PHACTR3: variants seen among roughly 807,000 people sequenced by gnomAD.
PHACTR3 encodes the protein phosphatase and actin regulator 3, also known as protein phosphatase 1, regulatory subunit 123.
A neutral mutation model predicts 66.8 loss-of-function variants in PHACTR3; 16 were observed. The observed-to-expected ratio is 0.24, with a 90% CI of 0.16 to 0.36. The LOEUF (loss-of-function observed/expected upper bound fraction) is 0.36. PHACTR3 is among the 10% of genes least tolerant of loss of function. The probability of loss-of-function intolerance (pLI) is 1.00; values close to 1 mark genes in which losing one functional copy is unlikely to be tolerated. For synonymous variants in PHACTR3, 323 were observed against 292.1 expected, an observed-to-expected ratio of 1.11 and a Z score of -1.08; for missense variants, 647 against 719.9, an observed-to-expected ratio of 0.90 and a Z score of 1.16.
chr20:59,591,523 G>C (rs1402497027), intron 1 of PHACTR3, among the ~76,000 whole-genome samples: 1 of 152,168 alleles, frequency 6.6e-6, no homozygotes, highest in Non-Finnish European at 1.5e-5. Flanking sequence ...GTGGACCAGG[G>C]ACCGCTTTGT....
chr20:59,663,163 C>G (rs1366913546), intron 1 of PHACTR3, among the ~76,000 whole-genome samples: 1 of 152,234 alleles, frequency 6.6e-6, no homozygotes, highest in Non-Finnish European at 1.5e-5. Context: ...CTCTCCTCCT[C>G]TTAGAATGAC....
intron 1 of PHACTR3, among the ~76,000 whole-genome samples, chr20:59,723,066 CTTTCTT>C (rs1264873604): frequency 1.2e-5 from 1 of 85,062 alleles, no homozygotes; most frequent in African/African-American, 5.2e-5. Context: ...CTTTCTCTTT[CTTTCTT>C]TCTTTCTTTC....
At chr20:59,635,376 G>A (rs958213659) in intron 1 of PHACTR3, among the ~76,000 whole-genome samples, 7 of 150,646 alleles carry the variant, frequency 4.6e-5, no homozygotes, top group Non-Finnish European at 1.0e-4. Flanking sequence ...TGGGATTACG[G>A]GCGTGCACCA....
At chr20:59,666,504 C>A (rs2035991479) in intron 1 of PHACTR3, among the ~76,000 whole-genome samples, 1 of 151,780 alleles carries the variant, frequency 6.6e-6, no homozygotes, top group African/African-American at 2.4e-5. Context: ...GCAGAAGGAG[C>A]TCAATTTCAG....
chr20:59,748,884 G>A (rs2039471032), intron 3 of PHACTR3, among the ~76,000 whole-genome samples: 1 of 152,204 alleles, frequency 6.6e-6, no homozygotes, highest in African/African-American at 2.4e-5. Flanking sequence ...GGAAGCTCAT[G>A]AAATAAACGA....
intron 7 of PHACTR3, 73 bp from the exon 8 acceptor site, chr20:59,805,968 G>T: frequency 6.6e-7 from 1 of 1,512,168 alleles, no homozygotes; most frequent in South Asian, 1.3e-5. Context: ...CGGCTCCATT[G>T]ACAAGCCAGC....
intron 8 of PHACTR3, among the ~76,000 whole-genome samples, chr20:59,824,809 C>T (rs939083422): frequency 6.6e-6 from 1 of 152,216 alleles, no homozygotes; most frequent in East Asian, 1.9e-4. Context: ...TCTGTCTACA[C>T]TCCTGTCAAC....
chr20:59,844,931 AC>A, intron 11 of PHACTR3: 1 of 302,854 alleles, frequency 3.3e-6, no homozygotes, highest in East Asian at 7.2e-5. Flanking sequence ...TATCACATGT[AC>A]CCTGTATATA....
rs1176449120 is a variant in PHACTR3, at chr20:59,829,930, G to A, written c.1329-6575G>A. On this transcript the variant is annotated intron_variant, in intron 8 of 12. Transcript: ENST00000371015. This position sits in a 1 kb window ranked among gnomAD's most constrained non-coding sequence, Gnocchi z 4.2. ...GGCTGGGTGGGGCTTCATTGGGGAA[G>A]CAAAGCTTGGGGAGCTGGAACTATG... is the stretch of plus-strand genomic sequence containing the variant. Among the ~76,000 whole-genome samples, 1 of 152,222 alleles carries A rather than the reference G, an allele frequency of 6.6e-6. No individual in the cohort carries two copies. The highest frequency in any genetic ancestry group is 1.5e-5 in the Non-Finnish European group (1 of 68,044).
At chr20:59,603,328 C>T (rs1051997249), upstream of PHACTR3, among the ~76,000 whole-genome samples, 1 of 152,080 alleles carries the variant, frequency 6.6e-6, no homozygotes, top group South Asian at 2.1e-4. Flanking sequence ...GGCACACACT[C>T]GACTCTGCAC....
At chr20:59,767,657 G>A (rs1008605138) in intron 5 of PHACTR3, among the ~76,000 whole-genome samples, 1 of 152,186 alleles carries the variant, frequency 6.6e-6, no homozygotes, top group African/African-American at 2.4e-5. Flanking sequence ...GACTGCCTAG[G>A]CTCCCTCAAG....
chr20:59,790,767 G>T (rs1010650589), intron 7 of PHACTR3, among the ~76,000 whole-genome samples: 1 of 152,224 alleles, frequency 6.6e-6, no homozygotes, highest in African/African-American at 2.4e-5. Context: ...GTAGAAGTAG[G>T]TCTGGAAGTA....
At position 59,820,048 on chromosome 20, in the gene PHACTR3, G is replaced by A. The variant is rs1040154838; in HGVS notation, c.1328+13854G>A. 2.3e-4 allele frequency among the ~76,000 whole-genome samples: 35 copies of A among 152,250 alleles called. No homozygotes were observed. The highest frequency in any genetic ancestry group is 7.7e-4 in the African/African-American group (32 of 41,542). ...CAGGGGGACCGTTGCTGGGGCTTCC[G>A]GTCTCTCTTTGTTTAGAAATCTCAG... On this transcript the variant is annotated intron_variant, in intron 8 of 12. Transcript: ENST00000371015. This position sits in a 1 kb window ranked among gnomAD's most constrained non-coding sequence, Gnocchi z 4.6.
At chr20:59,757,680 G>A (rs1185412977) in intron 4 of PHACTR3, among the ~76,000 whole-genome samples, 2 of 152,170 alleles carry the variant, frequency 1.3e-5, no homozygotes, top group East Asian at 1.9e-4. Context: ...GGCCCGGTGA[G>A]GTGGGTCACA....
In PHACTR3 at chr20:59,744,546, G is replaced by T. The variant is rs139457106; in HGVS notation, c.280+1278G>T. On this transcript the variant is annotated intron_variant, in intron 2 of 12. Transcript: ENST00000371015. ...CCTTTCCAGCTCTGAAGAGGCGCAGGCTCCAGGGCTTTGAGGATGGTGGAG... is the reference window on the plus strand; with the variant it reads ...CCTTTCCAGCTCTGAAGAGGCGCAGTCTCCAGGGCTTTGAGGATGGTGGAG... Among the ~76,000 whole-genome samples, 511 of 152,324 alleles carry T rather than the reference G, an allele frequency of 3.4e-3. 6 individuals are homozygous for T. The highest frequency in any genetic ancestry group is 0.011 in the African/African-American group (478 of 41,576).
At chr20:59,785,468 G>A (rs192122886) in intron 7 of PHACTR3, among the ~76,000 whole-genome samples, 27 of 152,302 alleles carry the variant, frequency 1.8e-4, no homozygotes, top group African/African-American at 6.0e-4. Context: ...TCATAATGTG[G>A]GAGACTGAGG....
At chr20:59,843,280 C>A (rs1164161245) in intron 11 of PHACTR3, among the ~76,000 whole-genome samples, 1 of 151,866 alleles carries the variant, frequency 6.6e-6, no homozygotes, top group Middle Eastern at 3.2e-3. Context: ...GCTAAAATGA[C>A]CATAAAATGA....
chr20:59,723,110 C>CTTTCTTTT (rs1555823586), intron 1 of PHACTR3, among the ~76,000 whole-genome samples: 5 of 123,844 alleles, frequency 4.0e-5, no homozygotes, highest in African/African-American at 1.3e-4. Context: ...TTCTTTCTTT[C>CTTTCTTTT]TTTCTTTCTT....
intron 8 of PHACTR3, among the ~76,000 whole-genome samples, chr20:59,833,229 T>G (rs2042436364): frequency 6.6e-6 from 1 of 152,186 alleles, no homozygotes; most frequent in Non-Finnish European, 1.5e-5. Context: ...TGACATTCAG[T>G]GAGAAGCTTG....
Sources: gnomAD v4.1 joint callset for allele counts (sites outside exome capture counted in the v4.1 genomes callset) on GRCh38, gnomAD v4.1.1 for gene constraint, Gnocchi (gnomAD v3.1) non-coding constraint, MANE v1.5 for transcripts, NCBI Gene and HGNC (gene_info 2026-07-23, HGNC 2026-07-21) for gene names.